Variants in ZBTB20 observed in about 807,000 individuals in gnomAD.
The protein encoded by ZBTB20 is zinc finger and BTB domain containing 20.
A neutral mutation model predicts 56.9 loss-of-function variants in ZBTB20; 9 were observed. The observed-to-expected ratio is 0.16, with a 90% confidence interval of 0.10 to 0.28. ZBTB20 has a LOEUF of 0.28. Among genes scored for constraint, ZBTB20 ranks in the 10% least tolerant of loss-of-function variants. The pLI is 1.00. For missense variants in ZBTB20, 655 were observed against 1,003.0 expected (o/e 0.65, Z 4.69); for synonymous variants, 417 against 420.7 (o/e 0.99, Z 0.11).
chr3:114,459,746 G>A (rs904306980), intron 7 of ZBTB20, among the ~76,000 whole-genome samples: 1 of 152,068 alleles, frequency 6.6e-6, no homozygotes, highest in Non-Finnish European at 1.5e-5. Context: ...GGAGGGTATA[G>A]TATTTAAGAA....
intron 3 of ZBTB20, 27 bp downstream of exon 3, chr3:114,974,339 A>T (rs1345891781): frequency 1.3e-5 from 2 of 152,166 alleles, no homozygotes; most frequent in African/African-American, 4.8e-5. Context: ...GATAAAGCCC[A>T]TTCAGGAAAA....
intron 7 of ZBTB20, among the ~76,000 whole-genome samples, chr3:114,487,644 TC>T (rs893831162): frequency 6.6e-6 from 1 of 152,074 alleles, no homozygotes; most frequent in Non-Finnish European, 1.5e-5. Context: ...AGGAACTCAC[TC>T]CCAGAACCCA....
At chr3:114,747,723 C>A (rs2067154142) in intron 5 of ZBTB20, among the ~76,000 whole-genome samples, 1 of 2,562 alleles carries the variant, frequency 3.9e-4, no homozygotes, top group African/African-American at 4.0e-4. Context: ...TCGAGACCAT[C>A]CTGGCTAACA....
intron 6 of ZBTB20, among the ~76,000 whole-genome samples, chr3:114,543,291 T>G (rs1368238442): frequency 6.6e-6 from 1 of 152,152 alleles, no homozygotes; most frequent in Non-Finnish European, 1.5e-5. Flanking sequence ...ATATTTTTGA[T>G]GTGTGGTTGA....
intron 5 of ZBTB20, among the ~76,000 whole-genome samples, chr3:114,757,965 A>T (rs188225175): frequency 1.1e-4 from 17 of 152,270 alleles, no homozygotes; most frequent in Admixed American, 5.9e-4. Flanking sequence ...ATTATTAATT[A>T]GTTAATTTAG....
At chr3:114,956,572 G>A (rs181359166) in intron 3 of ZBTB20, among the ~76,000 whole-genome samples, 1 of 152,274 alleles carries the variant, frequency 6.6e-6, no homozygotes, top group East Asian at 1.9e-4. Context: ...TGAAGTAGGT[G>A]GATGACCTGA....
At chr3:114,422,283 A>G (rs893471302) in intron 7 of ZBTB20, among the ~76,000 whole-genome samples, 1 of 152,184 alleles carries the variant, frequency 6.6e-6, no homozygotes. Context: ...ACTCTTAGAC[A>G]ACAAAGGACA....
chr3:114,771,719 T>C (rs2069217683), intron 5 of ZBTB20, among the ~76,000 whole-genome samples: 1 of 152,194 alleles, frequency 6.6e-6, no homozygotes, highest in South Asian at 2.1e-4. Context: ...AAAGTGTGGA[T>C]GAAATTTACC....
At chr3:114,507,643 T>C (rs1173241121) in intron 6 of ZBTB20, among the ~76,000 whole-genome samples, 1 of 152,144 alleles carries the variant, frequency 6.6e-6, no homozygotes, top group Non-Finnish European at 1.5e-5. Flanking sequence ...CTGACTCTCT[T>C]AAAATAGGAA....
intron 4 of ZBTB20, among the ~76,000 whole-genome samples, chr3:114,815,402 C>G (rs1331106640): frequency 1.3e-5 from 2 of 152,110 alleles, no homozygotes; most frequent in African/African-American, 4.8e-5. Context: ...TCTGATGACA[C>G]AGAGACAATA....
At chr3:115,103,037 C>T (rs558039506) in intron 1 of ZBTB20, 2 of 151,848 alleles carry the variant, frequency 1.3e-5, no homozygotes, top group Non-Finnish European at 2.9e-5. Flanking sequence ...CATATCTGTA[C>T]ATTTTACTAG....
At chr3:115,101,832 T>G (rs1470973938) in intron 1 of ZBTB20, among the ~76,000 whole-genome samples, 1 of 152,196 alleles carries the variant, frequency 6.6e-6, no homozygotes, top group East Asian at 1.9e-4. Context: ...AAAATTAGAA[T>G]ATGTCCCTCT....
intron 1 of ZBTB20, among the ~76,000 whole-genome samples, chr3:115,088,952 T>G (rs2083089550): frequency 6.6e-6 from 1 of 151,070 alleles, no homozygotes; most frequent in Non-Finnish European, 1.5e-5. Context: ...AATATAAATA[T>G]AAACAAAAGA....
intron 6 of ZBTB20, among the ~76,000 whole-genome samples, chr3:114,507,163 C>T (rs1577164466): frequency 6.6e-6 from 1 of 152,118 alleles, no homozygotes; most frequent in East Asian, 1.9e-4. Flanking sequence ...TTGGGTCTAG[C>T]CAATGCTATG....
chr3:114,663,428 A>G (rs1284398150), intron 6 of ZBTB20, among the ~76,000 whole-genome samples: 2 of 148,156 alleles, frequency 1.3e-5, no homozygotes, highest in Non-Finnish European at 3.0e-5. Flanking sequence ...CAGCCGCTGC[A>G]AAATCATGCC....
intron 6 of ZBTB20, 49 bp from the exon 7 acceptor site, chr3:114,500,440 T>C (rs937024073): frequency 6.6e-6 from 1 of 151,892 alleles, no homozygotes; most frequent in South Asian, 2.1e-4. Flanking sequence ...CGATATATGA[T>C]GCAAAACCAA....
chr3:114,566,004 CT>C (rs200912033), intron 6 of ZBTB20, among the ~76,000 whole-genome samples: 1 of 143,176 alleles, frequency 7.0e-6, no homozygotes. Flanking sequence ...TACATTTTTT[CT>C]TTTTTTTTCT....
chr3:114,982,032 T>A (rs1194781089), intron 2 of ZBTB20, among the ~76,000 whole-genome samples: 1 of 152,070 alleles, frequency 6.6e-6, no homozygotes, highest in African/African-American at 2.4e-5. Flanking sequence ...TATACCATAG[T>A]AAATTTCCCA....
intron 4 of ZBTB20, among the ~76,000 whole-genome samples, chr3:114,812,817 G>A (rs2072642658): frequency 6.6e-6 from 1 of 152,246 alleles, no homozygotes; most frequent in Admixed American, 6.5e-5. Context: ...AGGCATGGCG[G>A]GCTGCAGGTC....
Sources: allele counts gnomAD v4.1 joint callset (sites outside exome capture counted in the v4.1 genomes callset), GRCh38; gene constraint gnomAD v4.1.1; transcripts MANE v1.5; gene names NCBI Gene and HGNC (gene_info 2026-07-23, HGNC 2026-07-21).